Variants in DRAM2 observed in about 807,000 individuals in gnomAD.
DRAM2 encodes DNA damage regulated autophagy modulator 2.
In DRAM2, 26 loss-of-function variants were observed where a neutral mutation model predicts 33.5. The ratio of observed to expected loss-of-function variants is 0.78; its 90% CI spans 0.57 to 1.08. The LOEUF (loss-of-function observed/expected upper bound fraction) is 1.08, where lower values mean the gene tolerates loss of function less well. Among genes scored for constraint, DRAM2 ranks in the 50% least tolerant of loss-of-function variants. The pLI, the probability that DRAM2 is intolerant of heterozygous loss-of-function variation, is 0.00. For missense variants in DRAM2, 311 were observed against 318.1 expected (o/e 0.98, Z 0.17); for synonymous variants, 98 against 109.5 (o/e 0.89, Z 0.66).
Position 111,124,867 on chromosome 1 carries a change from A to C in DRAM2, c.214T>G (p.Tyr72Asp), listed in dbSNP as rs1162379315. The change falls in exon 6 of 10, where the codon TAT becomes GAT. Residue 72 changes from tyrosine to aspartate, a missense_variant. Coordinates refer to ENST00000484310, the MANE Select transcript of DRAM2 (RefSeq NM_001349884.2). ...GCATGAACTTGCTTATAACGAACAT[A>C]AATGGTAGCAATGCCTGGGAAAAGA... ...IAAVLCIATI[Y>D]VRYKQVHALS... is the part of the protein sequence containing the mutation. The C allele has an allele frequency of 1.2e-6, 2 of 1,611,538 alleles. No individual in the cohort carries two copies. The highest frequency in any genetic ancestry group is 1.7e-6 in the Non-Finnish European group (2 of 1,179,160).
intron 5 of DRAM2, chr1:111,125,667 CAT>C (rs1650871704): frequency 6.6e-6 from 1 of 152,188 alleles, no homozygotes; most frequent in South Asian, 2.1e-4. Flanking sequence ...AAATAATAAA[CAT>C]ACAGAAGAAT....
chr1:111,124,969 TC>T, intron 5 of DRAM2, 88 bp from the exon 6 acceptor site: 1 of 1,091,536 alleles, frequency 9.2e-7, no homozygotes, highest in African/African-American at 1.6e-5. Flanking sequence ...GTCACTGCTA[TC>T]CAGAATCACA....
In DRAM2 at chr1:111,117,864, C is replaced by T. The variant is rs139794767; in HGVS notation, c.*296G>A. The T allele has an allele frequency of 1.1e-5, 4 of 352,664 alleles. No homozygotes were observed. The highest frequency in any genetic ancestry group is 8.9e-5 in the Admixed American group (2 of 22,428). 21.8% of individuals were successfully genotyped at this position (352,664 alleles called of 1,614,324 possible). A position where few individuals can be genotyped will look rare whatever the true frequency, so the allele number is the denominator to read the frequency against. ...TGGGATGTGCAGACTGATTGGTGCA[C>T]GTCAGGTTGTTTCTCTTAAATAAGG... On this transcript the variant is annotated 3_prime_UTR_variant, in exon 10 of 10. Coordinates refer to ENST00000484310, the MANE Select transcript of DRAM2 (RefSeq NM_001349884.2).
intron 3 of DRAM2, 52 bp from the exon 4 acceptor site, chr1:111,131,620 C>T: frequency 1.3e-6 from 2 of 1,583,818 alleles, no homozygotes; most frequent in Non-Finnish European, 1.7e-6. Context: ...GTTTCCTCAT[C>T]CTACTTTAGC....
At chr1:111,126,996 G>A (rs1051205049) in intron 4 of DRAM2, among the ~76,000 whole-genome samples, 26 of 152,070 alleles carry the variant, frequency 1.7e-4, no homozygotes, top group East Asian at 1.5e-3. Context: ...GCAACACACC[G>A]GGGCAGATTA....
intron 4 of DRAM2, among the ~76,000 whole-genome samples, chr1:111,131,096 AT>A (rs1001054354): frequency 6.6e-6 from 1 of 152,048 alleles, no homozygotes; most frequent in African/African-American, 2.4e-5. Context: ...TATCATTATT[AT>A]TGTTTGTAGC....
At chr1:111,119,783 TTTCA>T (rs1377635502) in intron 8 of DRAM2, 90 bp downstream of exon 8, 49 of 1,063,494 alleles carry the variant, frequency 4.6e-5, no homozygotes, top group Admixed American at 8.5e-5. Context: ...ACCAGAAGAC[TTTCA>T]TTGTTACTGA....
At chr1:111,139,265 G>A (rs1456827328) in intron 2 of DRAM2, 1 of 152,204 alleles carries the variant, frequency 6.6e-6, no homozygotes, top group Non-Finnish European at 1.5e-5. Context: ...GGGAGAACTG[G>A]AAAGATTATT....
rs370692166 is a variant in DRAM2 at position 111,131,484 on chromosome 1, A to G, written c.71T>C (p.Ile24Thr). 1.2e-6 allele frequency: 2 copies of G among 1,614,192 alleles called. No homozygotes were observed. The highest frequency in any genetic ancestry group is 1.7e-6 in the Non-Finnish European group (2 of 1,180,008). ...TGTTACTGCAGTAATGTATGAAAAT[A>G]TGAAAGCAGCAGATGTCCAAATTAC... ...ALVIWTSAAF[I>T]FSYITAVTLH... Residue 24 changes from isoleucine to threonine, a missense_variant, in exon 4 of 10, where the codon ATA becomes ACA. Physicochemically the swap from Ile to Thr is moderately conservative, Grantham distance 89. Coordinates refer to ENST00000484310, the MANE Select transcript of DRAM2 (RefSeq NM_001349884.2).
intron 2 of DRAM2, among the ~76,000 whole-genome samples, chr1:111,137,826 C>A (rs987871668): frequency 6.6e-6 from 1 of 152,154 alleles, no homozygotes; most frequent in Non-Finnish European, 1.5e-5. Context: ...ATTCTCACAT[C>A]CAACACCTTC....
chr1:111,135,691 G>A (rs1206803141), intron 3 of DRAM2, among the ~76,000 whole-genome samples: 1 of 152,082 alleles, frequency 6.6e-6, no homozygotes, highest in Admixed American at 6.6e-5. Flanking sequence ...TAAGCCCTTT[G>A]TATGTAGAAA....
chr1:111,118,263 A>T lies in DRAM2; in HGVS notation c.698T>A (p.Ile233Asn), dbSNP rs181100121. The T allele has an allele frequency of 6.2e-7, 1 of 1,610,052 alleles. No homozygotes were observed. Among genetic ancestry groups the T allele is most frequent in the East Asian group, 2.2e-5 (1 of 44,802 alleles). Residue 233 changes from isoleucine (I) to asparagine (N), a missense_variant, in exon 10 of 10, where the codon ATT becomes AAT. By Grantham distance (149) the Ile-to-Asn change is moderately radical (BLOSUM62 -3). Coordinates refer to ENST00000484310, the MANE Select transcript of DRAM2 (RefSeq NM_001349884.2). ...FLTYIRDFQKISLRVEANLHG... is the reference protein window; with the variant it reads ...FLTYIRDFQKNSLRVEANLHG... ...TAAATTGGCTTCCACCCGTAAAGAA[A>T]TTTTCTGGAACAGAAAAGAAAATTA...
In DRAM2 at chr1:111,117,164, A is replaced by G. The variant is rs1452713420; in HGVS notation, c.*996T>C. Among the ~76,000 whole-genome samples the G allele has an allele frequency of 1.3e-5, 2 of 152,168 alleles. No homozygotes were observed. Among genetic ancestry groups the G allele is most frequent in the Non-Finnish European group, 2.9e-5 (2 of 67,976 alleles). Reference sequence around the variant, plus strand: ...GAACACTGTTTTTGTAGATGCATGTATCACACTTATTTTGCATGTAGTTTA... The same window carrying G: ...GAACACTGTTTTTGTAGATGCATGTGTCACACTTATTTTGCATGTAGTTTA... On this transcript the variant is annotated 3_prime_UTR_variant, in exon 10 of 10. Coordinates refer to ENST00000484310, the MANE Select transcript of DRAM2 (RefSeq NM_001349884.2).
chr1:111,126,020 A>T (rs954946837), intron 5 of DRAM2, among the ~76,000 whole-genome samples: 1 of 151,972 alleles, frequency 6.6e-6, no homozygotes, highest in Admixed American at 6.6e-5. Flanking sequence ...AATCCGACAC[A>T]TATTTTTTTA....
intron 9 of DRAM2, chr1:111,118,470 G>T: frequency 2.0e-6 from 1 of 498,972 alleles, no homozygotes; most frequent in Non-Finnish European, 3.5e-6. Context: ...AAAGTTCCCT[G>T]TTTTTCTTTG....
chr1:111,127,420 A>G (rs1651228201), intron 4 of DRAM2, among the ~76,000 whole-genome samples: 1 of 152,172 alleles, frequency 6.6e-6, no homozygotes, highest in South Asian at 2.1e-4. Flanking sequence ...ATGAATTGTA[A>G]GGATTGCTCC....
At chr1:111,130,319 T>C (rs557066289) in intron 4 of DRAM2, among the ~76,000 whole-genome samples, 1 of 152,344 alleles carries the variant, frequency 6.6e-6, no homozygotes, top group South Asian at 2.1e-4. Context: ...CTGGACCTCA[T>C]TTCCTTCTCT....
chr1:111,127,729 A>G (rs1331093829), intron 4 of DRAM2, among the ~76,000 whole-genome samples: 2 of 152,164 alleles, frequency 1.3e-5, no homozygotes, highest in Admixed American at 6.5e-5. Flanking sequence ...TGCATTTCCA[A>G]GATGGTTGGC....
intron 4 of DRAM2, among the ~76,000 whole-genome samples, chr1:111,128,308 T>C (rs1052614513): frequency 2.6e-5 from 4 of 151,748 alleles, no homozygotes; most frequent in Admixed American, 6.6e-5. Flanking sequence ...AGTACTAGAG[T>C]TTAAATATGT....
Sources: allele counts gnomAD v4.1 joint callset (sites outside exome capture counted in the v4.1 genomes callset), GRCh38; gene constraint gnomAD v4.1.1; transcripts MANE v1.5; gene names NCBI Gene and HGNC (gene_info 2026-07-23, HGNC 2026-07-21).